NETO2: variants seen among roughly 807,000 people sequenced by gnomAD.
The protein encoded by NETO2 is neuropilin and tolloid like 2.
A neutral mutation model predicts 62.5 loss-of-function variants in NETO2; 28 were observed. The observed-to-expected ratio is 0.45, with a 90% CI of 0.33 to 0.61. The LOEUF is 0.61. Among genes scored for constraint, NETO2 ranks in the 20% least tolerant of loss-of-function variants. The pLI is 0.02. For missense variants in NETO2, 548 were observed against 643.2 expected, an observed-to-expected ratio of 0.85 and a Z score of 1.60; for synonymous variants, 214 against 219.1, an observed-to-expected ratio of 0.98 and a Z score of 0.21.
chr16:47,135,595 G>C (rs1964349700), intron 1 of NETO2, among the ~76,000 whole-genome samples: 1 of 152,090 alleles, frequency 6.6e-6, no homozygotes, highest in South Asian at 2.1e-4. Context: ...AAGTCACTCA[G>C]ATGATAAAAG....
intron 6 of NETO2, among the ~76,000 whole-genome samples, chr16:47,112,057 C>T (rs989901670): frequency 6.6e-6 from 1 of 152,028 alleles, no homozygotes; most frequent in Non-Finnish European, 1.5e-5. Context: ...TCGATGCCTT[C>T]TTTTGTATAT....
intron 7 of NETO2, among the ~76,000 whole-genome samples, chr16:47,105,373 A>G (rs1596717381): frequency 6.6e-6 from 1 of 152,236 alleles, no homozygotes; most frequent in African/African-American, 2.4e-5. Context: ...GTATTACAAG[A>G]GCTAAAACTA....
intron 1 of NETO2, among the ~76,000 whole-genome samples, chr16:47,141,183 C>A (rs1311016026): frequency 6.6e-6 from 1 of 152,234 alleles, no homozygotes; most frequent in African/African-American, 2.4e-5. Context: ...AAATCTCACA[C>A]ACTCATTATG....
At chr16:47,084,809 T>A (rs1963149285) in intron 8 of NETO2, among the ~76,000 whole-genome samples, 1 of 152,192 alleles carries the variant, frequency 6.6e-6, no homozygotes, top group South Asian at 2.1e-4. Context: ...CACCCCCAGA[T>A]GGGACTGTCT....
In NETO2 at chr16:47,143,716, G is replaced by A; in HGVS notation, c.-104C>T. 8.4e-7 allele frequency: 1 copy of A among 1,196,716 alleles called. No individual in the cohort carries two copies. Among genetic ancestry groups the A allele is most frequent in the Non-Finnish European group, 1.0e-6 (1 of 961,892 alleles). The allele number at this position is 1,196,716 out of a possible 1,614,324, so 74.1% of individuals were successfully genotyped here. ...GCGACGGCCCCACTCCGTCCCCATC[G>A]CCGGCCAGCAGCTGCCTCCCCGCTC... On this transcript the variant is annotated 5_prime_UTR_variant, in exon 1 of 9. Transcript: ENST00000562435.
chr16:47,111,326 T>C (rs1963795689), intron 6 of NETO2, among the ~76,000 whole-genome samples: 1 of 152,190 alleles, frequency 6.6e-6, no homozygotes, highest in African/African-American at 2.4e-5. Flanking sequence ...TCCAAATAAA[T>C]ATGGTATTAT....
intron 6 of NETO2, among the ~76,000 whole-genome samples, chr16:47,113,299 T>C (rs1963840521): frequency 6.6e-6 from 1 of 152,212 alleles, no homozygotes; most frequent in Non-Finnish European, 1.5e-5. Context: ...ACTCAGTCCT[T>C]GCTGACACTT....
At chr16:47,114,210 T>C (rs1375625172) in intron 6 of NETO2, among the ~76,000 whole-genome samples, 2 of 152,136 alleles carry the variant, frequency 1.3e-5, no homozygotes, top group African/African-American at 4.8e-5. Context: ...CATCTCATTG[T>C]GGTTTTAATT....
chr16:47,102,310 A>G (rs1172537987), intron 7 of NETO2, among the ~76,000 whole-genome samples: 1 of 152,236 alleles, frequency 6.6e-6, no homozygotes, highest in Non-Finnish European at 1.5e-5. Flanking sequence ...AAAGCCTTAA[A>G]CATAAGACCT....
intron 6 of NETO2, among the ~76,000 whole-genome samples, chr16:47,111,099 T>C (rs539063276): frequency 2.1e-4 from 32 of 152,366 alleles, no homozygotes; most frequent in Non-Finnish European, 4.3e-4. Context: ...GCTCACACTC[T>C]GGTAGCGAGC....
chr16:47,120,024 T>A (rs932076640), intron 6 of NETO2, among the ~76,000 whole-genome samples: 4 of 152,248 alleles, frequency 2.6e-5, no homozygotes, highest in Admixed American at 2.6e-4. Flanking sequence ...TTTTGAGCCA[T>A]ATTAACTTTT....
At position 47,083,513 on chromosome 16, in the gene NETO2, G is replaced by T; in HGVS notation, c.1286C>A (p.Ser429Tyr). 1 of 1,614,252 alleles carries T rather than the reference G, an allele frequency of 6.2e-7. No homozygotes were observed. The highest frequency in any genetic ancestry group is 1.3e-5 in the African/African-American group (1 of 75,056). Reference protein sequence around the residue: ...LDNYQKMRRSSTASRCIHDHH... With the variant: ...LDNYQKMRRSYTASRCIHDHH... ...GTCGTGGATGCAGCGGGAGGCGGTGGAGGAGCGCCGCATCTTCTGGTAGTT... is the reference window on the plus strand; with the variant it reads ...GTCGTGGATGCAGCGGGAGGCGGTGTAGGAGCGCCGCATCTTCTGGTAGTT... Residue 429 changes from serine to tyrosine, a missense_variant, in exon 9 of 9, where the codon TCC becomes TAC. Coordinates refer to ENST00000562435, the MANE Select transcript of NETO2 (RefSeq NM_018092.5).
Position 47,120,761 on chromosome 16 carries a change from T to C in NETO2, c.654+1896A>G, listed in dbSNP as rs561537093. The stretch of plus-strand genomic sequence containing the variant: ...TCTGGTGTCAATCTTAATAGCATCC[T>C]TTTGTAGACTATTTTCTCTATTGTT... On this transcript the variant is annotated intron_variant, in intron 6 of 8. Transcript: ENST00000562435. Among the ~76,000 whole-genome samples, 8 of 152,352 alleles carry C rather than the reference T, an allele frequency of 5.3e-5. No individual in the cohort carries two copies. In the South Asian group the frequency reaches 1.4e-3, roughly 28 times the overall value.
chr16:47,117,539 T>C (rs542287509), intron 6 of NETO2, among the ~76,000 whole-genome samples: 1 of 152,302 alleles, frequency 6.6e-6, no homozygotes, highest in South Asian at 2.1e-4. Flanking sequence ...TTCAATTACT[T>C]TGTTTTCAAT....
chr16:47,082,660 G>A lies in NETO2; in HGVS notation c.*561C>T, dbSNP rs1434222745. On this transcript the variant is annotated 3_prime_UTR_variant, in exon 9 of 9. Coordinates refer to ENST00000562435, the MANE Select transcript of NETO2 (RefSeq NM_018092.5). ...GAAACAGATGGGTGAAATACAACTG[G>A]GTCTTAATTGGCACAGTAACTAGCT... 1 of 152,086 alleles carries A rather than the reference G, an allele frequency of 6.6e-6. No homozygotes were observed. Among genetic ancestry groups the A allele is most frequent in the Non-Finnish European group, 1.5e-5 (1 of 68,042 alleles). 9.4% of individuals were successfully genotyped at this position (152,086 alleles called of 1,614,324 possible). A position where few individuals can be genotyped will look rare whatever the true frequency, so the allele number is the denominator to read the frequency against.
intron 6 of NETO2, among the ~76,000 whole-genome samples, chr16:47,119,890 T>C (rs1964003008): frequency 6.6e-6 from 1 of 152,338 alleles, no homozygotes; most frequent in Admixed American, 6.5e-5. Context: ...AGACTTCCTT[T>C]GTTAGCTGAG....
At chr16:47,102,034 T>C (rs570928988) in intron 7 of NETO2, among the ~76,000 whole-genome samples, 3 of 152,278 alleles carry the variant, frequency 2.0e-5, no homozygotes, top group East Asian at 1.9e-4. Context: ...TTTCAAACTA[T>C]ACTACAAGGC....
chr16:47,113,207 T>C (rs1963838758), intron 6 of NETO2, among the ~76,000 whole-genome samples: 1 of 152,244 alleles, frequency 6.6e-6, no homozygotes, highest in African/African-American at 2.4e-5. Context: ...TATACATTTT[T>C]CTCTTTACAG....
chr16:47,132,482 AG>A (rs947076201), intron 1 of NETO2, among the ~76,000 whole-genome samples: 3 of 152,188 alleles, frequency 2.0e-5, no homozygotes, highest in African/African-American at 7.2e-5. Context: ...GACAGAAGTA[AG>A]GGGGCAGCAG....
Sources: gnomAD v4.1 joint callset for allele counts (sites outside exome capture counted in the v4.1 genomes callset) on GRCh38, gnomAD v4.1.1 for gene constraint, MANE v1.5 for transcripts, NCBI Gene and HGNC (gene_info 2026-07-23, HGNC 2026-07-21) for gene names.